KIF26B: variants seen among roughly 807,000 people sequenced by gnomAD.
KIF26B encodes the protein kinesin family member 26B.
KIF26B carries 63 observed loss-of-function variants against 151.2 expected under a neutral mutation model. The observed-to-expected ratio is 0.42, with a 90% CI of 0.34 to 0.51. KIF26B has a LOEUF of 0.51. KIF26B is among the 20% of genes least tolerant of loss of function. KIF26B has a pLI of 0.07. For missense variants in KIF26B, 2,813 were observed against 2,913.6 expected (o/e 0.97, Z 0.79); for synonymous variants, 1,357 against 1,262.1 (o/e 1.08, Z -1.59).
At chr1:245,676,797 G>GTTTTTCCT (rs2044361774) in intron 10 of KIF26B, among the ~76,000 whole-genome samples, 2 of 152,162 alleles carry the variant, frequency 1.3e-5, no homozygotes, top group Non-Finnish European at 2.9e-5. Context: ...GTCCCTGAGG[G>GTTTTTCCT]CTCTCATGAA....
Position 245,382,421 on chromosome 1 carries a change from G to T in KIF26B, c.999+15054G>T, listed in dbSNP as rs937215388. Among the ~76,000 whole-genome samples, 6 of 152,238 alleles carry T rather than the reference G, an allele frequency of 3.9e-5. No homozygotes were observed. The South Asian group carries it at 6.2e-4, about 16-fold the overall frequency. On this transcript the variant is annotated intron_variant, in intron 3 of 14. Transcript: ENST00000407071. ...TTTCCTCTTCCATAGAATGGGGATA[G>T]TATCTATCCCCTAGTATAGCATCTA...
intron 2 of KIF26B, among the ~76,000 whole-genome samples, chr1:245,306,144 C>T (rs1293429571): frequency 6.6e-6 from 1 of 152,006 alleles, no homozygotes; most frequent in Non-Finnish European, 1.5e-5. Flanking sequence ...ATAGAAACAA[C>T]CCAAATGTCT....
chr1:245,323,400 A>T (rs950031553), intron 2 of KIF26B, among the ~76,000 whole-genome samples: 1 of 152,256 alleles, frequency 6.6e-6, no homozygotes, highest in Non-Finnish European at 1.5e-5. Context: ...AGGAAAAATA[A>T]CTTCATTGTA....
chr1:245,627,420 A>G (rs2043735492), intron 9 of KIF26B, among the ~76,000 whole-genome samples: 1 of 152,182 alleles, frequency 6.6e-6, no homozygotes, highest in African/African-American at 2.4e-5. Flanking sequence ...AAATAACAAA[A>G]TTAAGGGAGA....
In KIF26B at chr1:245,156,415, C is replaced by T. The variant is rs1464469598; in HGVS notation, c.197C>T (p.Ser66Leu). 6.5e-7 allele frequency: 1 copy of T among 1,531,812 alleles called. No homozygotes were observed. The highest frequency in any genetic ancestry group is 1.4e-5 in the African/African-American group (1 of 71,096). The allele number at this position is 1,531,812 out of a possible 1,614,324, so 94.9% of individuals were successfully genotyped here. Residue 66 changes from serine (S) to leucine (L), a missense_variant, in exon 2 of 15, where the codon TCG (serine) becomes TTG (leucine). Ser to Leu is a moderately radical substitution (Grantham distance 145). Transcript: ENST00000407071. ...PEGAGSALGS[S>L]GTPSPGSGTS... ...GGCGCGGGCTCAGCGCTCGGCTCCT[C>T]GGGGACCCCGTCTCCCGGCTCGGGC... is the stretch of plus-strand genomic sequence containing the variant.
intron 5 of KIF26B, among the ~76,000 whole-genome samples, chr1:245,586,213 A>T (rs976898372): frequency 5.3e-5 from 8 of 149,884 alleles, no homozygotes; most frequent in Non-Finnish European, 1.2e-4. Context: ...TTTAATAGAG[A>T]CGGGGTCTTG....
At chr1:245,311,813 T>C (rs989857823) in intron 2 of KIF26B, among the ~76,000 whole-genome samples, 6 of 150,310 alleles carry the variant, frequency 4.0e-5, no homozygotes, top group African/African-American at 1.5e-4. Flanking sequence ...GCCTGTAATC[T>C]CAGCTACTCA....
chr1:245,696,776 T>C (rs1211633009), intron 12 of KIF26B, among the ~76,000 whole-genome samples: 1 of 152,204 alleles, frequency 6.6e-6, no homozygotes, highest in East Asian at 1.9e-4. Flanking sequence ...CTAAATGCGA[T>C]TGTGTATGTG....
chr1:245,222,063 T>C (rs1301809685), intron 2 of KIF26B, among the ~76,000 whole-genome samples: 2 of 152,230 alleles, frequency 1.3e-5, no homozygotes, highest in Non-Finnish European at 2.9e-5. Flanking sequence ...TTCTCAGTTC[T>C]TTTATCTGTG....
In KIF26B at chr1:245,709,346, T is replaced by A. The variant is rs540857783; in HGVS notation, c.*6740T>A. On this transcript the variant is annotated 3_prime_UTR_variant, in exon 15 of 15. Coordinates refer to ENST00000407071, the MANE Select transcript of KIF26B (RefSeq NM_018012.4). Reference sequence around the variant, plus strand: ...CTACGATCTCTGACTTTTTGTGGCATATGAGGTGTAAAATGTTGTCAAAAA... The same window carrying A: ...CTACGATCTCTGACTTTTTGTGGCAAATGAGGTGTAAAATGTTGTCAAAAA... 16 of 152,336 alleles carry A rather than the reference T, an allele frequency of 1.1e-4. 1 individual carries two copies. In the East Asian group the frequency reaches 1.2e-3, roughly 11 times the overall value. The allele number at this position is 152,336 out of a possible 1,614,324, so 9.4% of individuals were successfully genotyped here.
At chr1:245,590,316 GGA>G (rs2043274682) in intron 5 of KIF26B, among the ~76,000 whole-genome samples, 1 of 152,158 alleles carries the variant, frequency 6.6e-6, no homozygotes, top group East Asian at 1.9e-4. Context: ...GGGCCCCGCG[GGA>G]GGGGACGGCC....
chr1:245,366,611 T>A (rs1168061588), intron 2 of KIF26B, among the ~76,000 whole-genome samples: 1 of 152,200 alleles, frequency 6.6e-6, no homozygotes, highest in African/African-American at 2.4e-5. Flanking sequence ...TTTTTTAACT[T>A]CTTTTTGAAA....
intron 4 of KIF26B, among the ~76,000 whole-genome samples, chr1:245,483,090 C>T (rs1439189886): frequency 6.6e-6 from 1 of 151,736 alleles, no homozygotes; most frequent in South Asian, 2.1e-4. Context: ...CCGGACAAAG[C>T]TCTGGGTCGT....
intron 2 of KIF26B, among the ~76,000 whole-genome samples, chr1:245,298,551 A>G (rs751701176): frequency 8.5e-5 from 13 of 152,354 alleles, no homozygotes; most frequent in African/African-American, 2.2e-4. Context: ...AGTTCTGGGC[A>G]TGGCGATTGG....
In KIF26B at chr1:245,607,736, C is replaced by A; in HGVS notation, c.1643C>A (p.Ala548Asp). The A allele has an allele frequency of 6.2e-7, 1 of 1,611,698 alleles. No homozygotes were observed. Among genetic ancestry groups the A allele is most frequent in the Non-Finnish European group, 8.5e-7 (1 of 1,178,926 alleles). ...GGCTGCGTGTTCTGTTTCGGCCACG[C>A]CAAACTGGGTTCGTGAGAGTTTCAC... ...ADGCVFCFGHAKLGKSYTMIG... is the reference protein window; with the variant it reads ...ADGCVFCFGHDKLGKSYTMIG... Residue 548 changes from alanine (A) to aspartate (D), a missense_variant, in exon 7 of 15, where the codon GCC (alanine) becomes GAC (aspartate). Coordinates refer to ENST00000407071, the MANE Select transcript of KIF26B (RefSeq NM_018012.4).
rs1670215348 is a variant in KIF26B at position 245,241,827 on chromosome 1, C to T, written c.465+85144C>T. Among the ~76,000 whole-genome samples, 2 of 152,162 alleles carry T rather than the reference C, an allele frequency of 1.3e-5. No individual in the cohort carries two copies. The highest frequency in any genetic ancestry group is 2.1e-4 in the South Asian group (1 of 4,824). The stretch of plus-strand genomic sequence containing the variant: ...AAGGTGCTTGCTTTGGGGACTCGGC[C>T]CTGGTGGATCCCCTTAGCCTGTGGT... On this transcript the variant is annotated intron_variant, in intron 2 of 14. Coordinates refer to ENST00000407071, the MANE Select transcript of KIF26B (RefSeq NM_018012.4). The surrounding 1 kb of genome is among the most constrained non-coding windows in gnomAD (Gnocchi z 5.0).
At chr1:245,232,547 A>G (rs1234759052) in intron 2 of KIF26B, among the ~76,000 whole-genome samples, 1 of 143,402 alleles carries the variant, frequency 7.0e-6, no homozygotes, top group Non-Finnish European at 1.5e-5. Context: ...ATGTGGTTTC[A>G]TTTGTTTTTT....
intron 11 of KIF26B, 56 bp from the exon 12 acceptor site, chr1:245,685,349 C>A (rs569297484): frequency 3.5e-6 from 5 of 1,418,526 alleles, no homozygotes; most frequent in Non-Finnish European, 4.8e-6. Flanking sequence ...CACAGCTGGG[C>A]TCCCGGGGAA....
chr1:245,585,408 C>T (rs180786575), intron 5 of KIF26B, among the ~76,000 whole-genome samples: 1 of 152,214 alleles, frequency 6.6e-6, no homozygotes, highest in East Asian at 1.9e-4. Context: ...GAGACAGAAA[C>T]CCAATCACTA....
Sources: allele counts gnomAD v4.1 joint callset (sites outside exome capture counted in the v4.1 genomes callset), GRCh38; gene constraint gnomAD v4.1.1; non-coding constraint Gnocchi (gnomAD v3.1); transcripts MANE v1.5; gene names NCBI Gene and HGNC (gene_info 2026-07-23, HGNC 2026-07-21).